RIMS2: variants seen among roughly 807,000 people sequenced by gnomAD.
RIMS2 encodes the protein regulating synaptic membrane exocytosis 2.
RIMS2 carries 59 observed loss-of-function variants against 174.4 expected under a neutral mutation model. The ratio of observed to expected loss-of-function variants is 0.34; its 90% CI spans 0.27 to 0.42. The LOEUF (loss-of-function observed/expected upper bound fraction) is 0.42. Ranked by LOEUF, RIMS2 falls within the 10% of genes least tolerant of loss-of-function variation. The pLI, the probability that RIMS2 is intolerant of heterozygous loss-of-function variation, is 1.00. For missense variants in RIMS2, 1,620 were observed against 1,666.3 expected (o/e 0.97, Z 0.48); for synonymous variants, 606 against 572.5 (o/e 1.06, Z -0.84).
In RIMS2 at chr8:103,824,550, A is replaced by G. The variant is rs533900590; in HGVS notation, c.698+58013A>G. Among the ~76,000 whole-genome samples the G allele has an allele frequency of 7.9e-4, 120 of 152,332 alleles. 2 individuals carry two copies. In the South Asian group the frequency reaches 0.024, roughly 31 times the overall value. On this transcript the variant is annotated intron_variant, in intron 3 of 23. Coordinates refer to ENST00000504942, the Ensembl canonical transcript of RIMS2. ...AAAAACCCATTGCACGTTAAAAATT[A>G]TAGTATCTTAAAATATGAGGGCTCT...
At chr8:104,233,123 G>A (rs775367743) in intron 19 of RIMS2, among the ~76,000 whole-genome samples, 3 of 152,232 alleles carry the variant, frequency 2.0e-5, no homozygotes, top group Admixed American at 6.5e-5. Context: ...TAAAGAAGAT[G>A]GCATTCTCAA....
rs577983733 is a variant in RIMS2, at chr8:104,048,066, G to A, written c.3334+33451G>A. Among the ~76,000 whole-genome samples the A allele has an allele frequency of 2.0e-4, 31 of 152,110 alleles. No individual in the cohort carries two copies. The South Asian group carries it at 6.4e-3, about 31-fold the overall frequency. On this transcript the variant is annotated intron_variant, in intron 19 of 23. Coordinates refer to ENST00000504942, the Ensembl canonical transcript of RIMS2. Reference sequence around the variant, plus strand: ...AAAGAAAGCCATCCTAAAAATAAAAGCAATTAAATAAATTTAAAAAGAGGA... The same window carrying A: ...AAAGAAAGCCATCCTAAAAATAAAAACAATTAAATAAATTTAAAAAGAGGA...
At chr8:103,794,325 A>G (rs1400540310) in intron 3 of RIMS2, among the ~76,000 whole-genome samples, 1 of 152,192 alleles carries the variant, frequency 6.6e-6, no homozygotes, top group Non-Finnish European at 1.5e-5. Context: ...AAAAACAAGA[A>G]ATGGGGAAAG....
chr8:103,530,292 G>GA (rs1836394463), intron 1 of RIMS2, among the ~76,000 whole-genome samples: 1 of 151,514 alleles, frequency 6.6e-6, no homozygotes, highest in Non-Finnish European at 1.5e-5. Flanking sequence ...TAATAGAGAA[G>GA]AAAAATATAA....
At chr8:103,760,501 G>C (rs17235420) in intron 2 of RIMS2, among the ~76,000 whole-genome samples, 34,941 of 152,144 alleles carry the variant, frequency 0.23, 4,297 homozygotes, top group Non-Finnish European at 0.25. Flanking sequence ...TGCTGGGTGA[G>C]GGCTTGTAGT....
chr8:104,008,287 C>T (rs1044984782), intron 17 of RIMS2, among the ~76,000 whole-genome samples: 8 of 151,868 alleles, frequency 5.3e-5, no homozygotes, highest in African/African-American at 1.7e-4. Context: ...TTACAGGTAA[C>T]ATGTCATATT....
At chr8:104,149,668 A>T (rs1475539848) in intron 19 of RIMS2, among the ~76,000 whole-genome samples, 3 of 152,188 alleles carry the variant, frequency 2.0e-5, no homozygotes, top group Non-Finnish European at 4.4e-5. Context: ...CTTTTATAGC[A>T]AAATAAATTA....
At chr8:103,828,444 T>G (rs2098805106) in intron 3 of RIMS2, among the ~76,000 whole-genome samples, 1 of 152,234 alleles carries the variant, frequency 6.6e-6, no homozygotes, top group Non-Finnish European at 1.5e-5. Flanking sequence ...GGTTTTTGCT[T>G]GTTAATTTGT....
intron 3 of RIMS2, among the ~76,000 whole-genome samples, chr8:103,838,399 G>A (rs2098917281): frequency 6.6e-6 from 1 of 152,140 alleles, no homozygotes; most frequent in African/African-American, 2.4e-5. Flanking sequence ...CTGTTTTCTT[G>A]AGGTACGTGA....
At chr8:104,153,131 A>G (rs2134181756) in intron 19 of RIMS2, among the ~76,000 whole-genome samples, 1 of 152,260 alleles carries the variant, frequency 6.6e-6, no homozygotes, top group East Asian at 1.9e-4. Flanking sequence ...CATAGAGGCT[A>G]AGTTATAACT....
At chr8:103,612,927 G>C (rs1160966877) in intron 1 of RIMS2, among the ~76,000 whole-genome samples, 1 of 152,168 alleles carries the variant, frequency 6.6e-6, no homozygotes, top group African/African-American at 2.4e-5. Context: ...TCTCTGTGCT[G>C]AGCCACCTGG....
chr8:104,192,497 A>C (rs139379157), intron 19 of RIMS2, among the ~76,000 whole-genome samples: 130 of 152,280 alleles, frequency 8.5e-4, no homozygotes, highest in African/African-American at 2.9e-3. Flanking sequence ...TTGTGATACA[A>C]TAAGCTGGAG....
chr8:103,636,811 CACA>C (rs2135413412), intron 1 of RIMS2, among the ~76,000 whole-genome samples: 1 of 123,676 alleles, frequency 8.1e-6, no homozygotes, highest in Non-Finnish European at 1.6e-5. Context: ...CACACACACA[CACA>C]TACCAATCTG....
intron 1 of RIMS2, among the ~76,000 whole-genome samples, chr8:103,590,831 G>A (rs1015140665): frequency 1.3e-5 from 2 of 151,024 alleles, no homozygotes; most frequent in African/African-American, 4.8e-5. Context: ...AAATTTTTAG[G>A]ATATTTCCTA....
At chr8:103,718,339 T>C (rs989107386) in intron 2 of RIMS2, among the ~76,000 whole-genome samples, 2 of 152,208 alleles carry the variant, frequency 1.3e-5, no homozygotes, top group African/African-American at 4.8e-5. Flanking sequence ...TTTATTATTG[T>C]TCATACTTCT....
intron 16 of RIMS2, among the ~76,000 whole-genome samples, chr8:103,982,409 C>T (rs2154549388): frequency 6.7e-6 from 1 of 148,196 alleles, no homozygotes; most frequent in South Asian, 2.2e-4. Flanking sequence ...GCCGTTATTA[C>T]TTTGATACCA....
intron 18 of RIMS2, 61 bp from the exon 21 acceptor site, chr8:104,014,445 G>A (rs543000358): frequency 1.0e-5 from 9 of 889,884 alleles, no homozygotes; most frequent in African/African-American, 9.9e-5. Context: ...TGAACCAAAT[G>A]TAGGTATTAA....
At chr8:103,510,392 A>T (rs1363516629) in intron 1 of RIMS2, among the ~76,000 whole-genome samples, 4 of 152,208 alleles carry the variant, frequency 2.6e-5, no homozygotes, top group Non-Finnish European at 5.9e-5. Flanking sequence ...ATCTGAAAGA[A>T]TTAATTAATA....
chr8:103,573,954 C>T (rs2093022219), intron 1 of RIMS2, among the ~76,000 whole-genome samples: 1 of 151,858 alleles, frequency 6.6e-6, no homozygotes, highest in African/African-American at 2.4e-5. Context: ...TAGGTATGGG[C>T]AAAAACAAAG....
Sources: gnomAD v4.1 joint callset for allele counts (sites outside exome capture counted in the v4.1 genomes callset) on GRCh38, gnomAD v4.1.1 for gene constraint, MANE v1.5 for transcripts, NCBI Gene and HGNC (gene_info 2026-07-23, HGNC 2026-07-21) for gene names.